The following RIMS1 variants were observed in gnomAD, a reference collection of about 807,000 sequenced individuals.
The protein encoded by RIMS1 is regulating synaptic membrane exocytosis 1.
Under a neutral mutation model 214.1 loss-of-function variants are expected in RIMS1, and 83 were observed. That is an observed-to-expected ratio of 0.39 (90% CI 0.32 to 0.47). The LOEUF (loss-of-function observed/expected upper bound fraction) is 0.47. Ranked by LOEUF, RIMS1 falls within the 20% of genes least tolerant of loss-of-function variation. The pLI, the probability that RIMS1 is intolerant of heterozygous loss-of-function variation, is 0.99. For missense variants in RIMS1, 2,050 were observed against 2,161.8 expected, an observed-to-expected ratio of 0.95 and a Z score of 1.03; for synonymous variants, 793 against 786.8, an observed-to-expected ratio of 1.01 and a Z score of -0.13.
At chr6:72,149,396 G>A (rs2043201348) in intron 4 of RIMS1, among the ~76,000 whole-genome samples, 1 of 152,172 alleles carries the variant, frequency 6.6e-6, no homozygotes, top group Non-Finnish European at 1.5e-5. Flanking sequence ...CGGTCTAGGG[G>A]CCTTAGGACA....
intron 29 of RIMS1, chr6:72,366,775 A>G (rs746023574): frequency 5.1e-6 from 5 of 985,848 alleles, no homozygotes; most frequent in Non-Finnish European, 6.0e-6. Context: ...CCACCGCACA[A>G]GTTATTTAAA....
chr6:72,056,108 G>T (rs1826101217), intron 2 of RIMS1, among the ~76,000 whole-genome samples: 1 of 151,910 alleles, frequency 6.6e-6, no homozygotes, highest in Non-Finnish European at 1.5e-5. Context: ...CATGCCCTTT[G>T]CAGCAACATG....
At chr6:71,926,717 A>G (rs1271659117) in intron 1 of RIMS1, among the ~76,000 whole-genome samples, 1 of 152,180 alleles carries the variant, frequency 6.6e-6, no homozygotes, top group Non-Finnish European at 1.5e-5. Flanking sequence ...AAACACTTCT[A>G]AGTGTTTAAC....
At chr6:72,083,355 G>A (rs1833883384) in intron 2 of RIMS1, among the ~76,000 whole-genome samples, 1 of 151,726 alleles carries the variant, frequency 6.6e-6, no homozygotes, top group African/African-American at 2.4e-5. Context: ...TTGTGAATCA[G>A]CAATGACCAT....
At chr6:72,162,480 C>A (rs1233656979) in intron 4 of RIMS1, among the ~76,000 whole-genome samples, 1 of 140,572 alleles carries the variant, frequency 7.1e-6, no homozygotes, top group African/African-American at 2.5e-5. Context: ...TTCTTCCTAG[C>A]CTTGATGGTC....
chr6:72,252,730 A>G (rs771468127), intron 15 of RIMS1, 31 bp from the exon 16 acceptor site: 1 of 1,539,744 alleles, frequency 6.5e-7, no homozygotes, highest in South Asian at 1.2e-5. Flanking sequence ...AACCAGACAC[A>G]GAAGTATCTC....
At chr6:72,059,067 G>A (rs1372570561) in intron 2 of RIMS1, among the ~76,000 whole-genome samples, 4 of 152,094 alleles carry the variant, frequency 2.6e-5, no homozygotes, top group African/African-American at 4.8e-5. Context: ...TACCTGTACT[G>A]TCTTCTTATT....
intron 6 of RIMS1, among the ~76,000 whole-genome samples, chr6:72,208,351 T>C (rs1271079022): frequency 1.3e-5 from 2 of 152,232 alleles, no homozygotes; most frequent in Non-Finnish European, 2.9e-5. Flanking sequence ...CCTTGGTCAG[T>C]GATACCTCAT....
chr6:72,029,387 A>G (rs1016072808), intron 2 of RIMS1, among the ~76,000 whole-genome samples: 5 of 152,136 alleles, frequency 3.3e-5, no homozygotes, highest in East Asian at 1.9e-4. Flanking sequence ...TTCATTGCCA[A>G]TGTAAGAGGT....
At chr6:72,055,848 G>A (rs984721740) in intron 2 of RIMS1, among the ~76,000 whole-genome samples, 1 of 152,170 alleles carries the variant, frequency 6.6e-6, no homozygotes, top group Admixed American at 6.5e-5. Flanking sequence ...GTGAAAAGCA[G>A]TTTGGTTATT....
Position 72,398,962 on chromosome 6 carries a change from T to A in RIMS1, c.4728T>A (p.Tyr1576Ter). The A allele has an allele frequency of 6.3e-7, 1 of 1,590,758 alleles. No homozygotes were observed. The highest frequency in any genetic ancestry group is 8.6e-7 in the Non-Finnish European group (1 of 1,160,238). ...TAATATACCTTTGTTTAGCTCCATA[T>A]GTCAAAGTATATCTTTTGGAAAATG... ...KPGSKSTPAP[Y>*]VKVYLLENGA... Residue 1576 changes from tyrosine to a stop codon, truncating the protein, a stop_gained, in exon 33 of 34, where the codon TAT (tyrosine) becomes TAA (stop). Coordinates refer to ENST00000521978, the MANE Select transcript of RIMS1 (RefSeq NM_014989.7). LOFTEE classifies it high-confidence loss of function.
intron 3 of RIMS1, among the ~76,000 whole-genome samples, chr6:72,099,056 C>T (rs2032828453): frequency 6.6e-6 from 1 of 152,188 alleles, no homozygotes; most frequent in Admixed American, 6.5e-5. Flanking sequence ...ATTGTTCAGT[C>T]TGAAAAGATG....
chr6:72,009,880 G>A lies in RIMS1; in HGVS notation c.245+40817G>A, dbSNP rs180780575. Among the ~76,000 whole-genome samples, 548 of 152,246 alleles carry A rather than the reference G, an allele frequency of 3.6e-3. 2 individuals carry two copies. Among genetic ancestry groups the A allele is most frequent in the Non-Finnish European group, 5.9e-3 (399 of 68,016 alleles). On this transcript the variant is annotated intron_variant, in intron 2 of 33. Coordinates refer to ENST00000521978, the MANE Select transcript of RIMS1 (RefSeq NM_014989.7). ...TCCAGGACCAGACAGATTCACAGCC[G>A]AATTCTACCAGAGGTACAAGGAAGA...
intron 2 of RIMS1, among the ~76,000 whole-genome samples, chr6:72,094,500 A>G (rs1047399224): frequency 3.3e-5 from 5 of 152,186 alleles, no homozygotes; most frequent in African/African-American, 1.2e-4. Context: ...TTTTCAAGCC[A>G]TTATATCTTA....
At chr6:72,208,005 C>T (rs1014579820) in intron 6 of RIMS1, among the ~76,000 whole-genome samples, 1 of 152,102 alleles carries the variant, frequency 6.6e-6, no homozygotes, top group Non-Finnish European at 1.5e-5. Flanking sequence ...ATTTTTAAAC[C>T]ACACAGGGCC....
intron 4 of RIMS1, among the ~76,000 whole-genome samples, chr6:72,167,637 G>C (rs1245775569): frequency 6.6e-6 from 1 of 152,090 alleles, no homozygotes; most frequent in South Asian, 2.1e-4. Context: ...GACTATTCGG[G>C]TTTTCAGTTT....
chr6:72,019,200 A>T (rs1813773021), intron 2 of RIMS1, among the ~76,000 whole-genome samples: 1 of 152,234 alleles, frequency 6.6e-6, no homozygotes, highest in African/African-American at 2.4e-5. Flanking sequence ...GAATGAAATC[A>T]GATTTGTAGG....
chr6:71,898,121 C>A (rs1772421109), intron 1 of RIMS1, among the ~76,000 whole-genome samples: 1 of 152,086 alleles, frequency 6.6e-6, no homozygotes. Context: ...TGAAAGACAG[C>A]ATTCTTAAAG....
intron 1 of RIMS1, among the ~76,000 whole-genome samples, chr6:71,910,348 A>G (rs1441108265): frequency 6.6e-6 from 1 of 152,202 alleles, no homozygotes; most frequent in Non-Finnish European, 1.5e-5. Flanking sequence ...TTTGGAACAC[A>G]GCAAAATATT....
Sources: gnomAD v4.1 joint callset for allele counts (sites outside exome capture counted in the v4.1 genomes callset) on GRCh38, gnomAD v4.1.1 for gene constraint, MANE v1.5 for transcripts, NCBI Gene and HGNC (gene_info 2026-07-23, HGNC 2026-07-21) for gene names.